Variants in FXYD1 observed in about 807,000 individuals in gnomAD.
FXYD1 encodes the protein phospholemman.
FXYD1 carries 9 observed loss-of-function variants against 17.2 expected under a neutral mutation model. The observed-to-expected ratio is 0.52, with a 90% confidence interval of 0.32 to 0.91. The LOEUF (loss-of-function observed/expected upper bound fraction) is 0.91, where lower values mean the gene tolerates loss of function less well. Among genes scored for constraint, FXYD1 ranks in the 40% least tolerant of loss-of-function variants. The pLI is 0.04. For missense variants in FXYD1, 113 were observed against 120.6 expected, an observed-to-expected ratio of 0.94 and a Z score of 0.29; for synonymous variants, 55 against 45.8, an observed-to-expected ratio of 1.20 and a Z score of -0.81.
rs377667040 is a variant in FXYD1, at chr19:35,142,749, C to T, written c.*7C>T. The stretch of plus-strand genomic sequence containing the variant: ...GTCCACCCGCAGGCGGTAGAAACAC[C>T]TGGAGCGATGGAATCCGGCCAGGTG... On this transcript the variant is annotated 3_prime_UTR_variant, in exon 7 of 8. Coordinates refer to ENST00000351325, the MANE Select transcript of FXYD1 (RefSeq NM_021902.4). The T allele has an allele frequency of 7.4e-6, 12 of 1,613,090 alleles. 2 individuals are homozygous for T. In the South Asian group the frequency reaches 8.8e-5, roughly 12 times the overall value.
At chr19:35,141,419 T>G in intron 4 of FXYD1, 117 bp from the exon 5 acceptor site, 1 of 759,480 alleles carries the variant, frequency 1.3e-6, no homozygotes, top group Non-Finnish European at 2.2e-6. Context: ...CGGTCTCGCC[T>G]CTAGCCCCGC....
At chr19:35,142,397 T>A in intron 5 of FXYD1, 75 bp from the exon 6 acceptor site, 1 of 1,131,562 alleles carries the variant, frequency 8.8e-7, no homozygotes, top group Non-Finnish European at 1.3e-6. Flanking sequence ...GAAAGGAGGC[T>A]TGTACTGGGG....
intron 5 of FXYD1, 112 bp from the exon 6 acceptor site, chr19:35,142,360 T>C: frequency 3.8e-6 from 3 of 789,954 alleles, no homozygotes; most frequent in South Asian, 1.7e-5. Context: ...TCTTCGTCCA[T>C]ATCTGGGCCT....
At chr19:35,140,251 G>A (rs2065239405) in intron 2 of FXYD1, 111 bp downstream of exon 2, 3 of 735,638 alleles carry the variant, frequency 4.1e-6, no homozygotes, top group South Asian at 1.5e-5. Flanking sequence ...GGGGTACCAA[G>A]AAGTTTGGGG....
chr19:35,142,887 C>T, intron 7 of FXYD1, 30 bp from the exon 8 acceptor site: 2 of 748,534 alleles, frequency 2.7e-6, no homozygotes, highest in Non-Finnish European at 4.7e-6. Context: ...GGACGTCCCC[C>T]CTCGCCTCTC....
chr19:35,139,391 C>T (rs1224742576), intron 1 of FXYD1: 1 of 153,002 alleles, frequency 6.5e-6, no homozygotes, highest in African/African-American at 2.4e-5. Context: ...TGAAAGATGT[C>T]ACCCAGAGGC....
At chr19:35,137,475 T>C (rs2065216122), upstream of FXYD1, among the ~76,000 whole-genome samples, 1 of 152,218 alleles carries the variant, frequency 6.6e-6, no homozygotes, top group African/African-American at 2.4e-5. Context: ...TTTGTGGGTA[T>C]GTGTGAGAGC....
intron 1 of FXYD1, 74 bp from the exon 2 acceptor site, chr19:35,140,002 C>A: frequency 7.7e-7 from 1 of 1,297,184 alleles, no homozygotes; most frequent in Non-Finnish European, 1.1e-6. Flanking sequence ...CTGTCTCTGA[C>A]TTAATCCCTT....
intron 3 of FXYD1, 136 bp downstream of exon 3, chr19:35,140,765 C>T: frequency 1.5e-6 from 1 of 682,784 alleles, no homozygotes; most frequent in Non-Finnish European, 2.6e-6. Context: ...TCCTTCCTCT[C>T]TGATTCCACC....
chr19:35,142,404 G>T, intron 5 of FXYD1, 68 bp from the exon 6 acceptor site: 1 of 1,201,296 alleles, frequency 8.3e-7, no homozygotes, highest in Non-Finnish European at 1.2e-6. Context: ...GGCTTGTACT[G>T]GGGGGTTCCT....
At position 35,140,066 on chromosome 19, in the gene FXYD1, T is replaced by TC. The variant is rs763188698; in HGVS notation, c.-4-3dup. Reference sequence around the variant, plus strand: ...GGCACACACTGCCTAATCCGTGGTGTCCCCCCCAGGACAATGGCGTCTCTT... The same window carrying TC: ...GGCACACACTGCCTAATCCGTGGTGTCCCCCCCCAGGACAATGGCGTCTCTT... On this transcript the variant is annotated splice_polypyrimidine_tract_variant and intron_variant, in intron 1 of 7. Transcript: ENST00000351325. 51 of 1,611,344 alleles carry TC rather than the reference T, an allele frequency of 3.2e-5. No homozygotes were observed. Among genetic ancestry groups the TC allele is most frequent in the Non-Finnish European group, 3.9e-5 (46 of 1,177,750 alleles).
At chr19:35,141,712 G>A in intron 5 of FXYD1, 140 bp downstream of exon 5, 1 of 674,052 alleles carries the variant, frequency 1.5e-6, no homozygotes, top group Non-Finnish European at 2.5e-6. Context: ...CATGGCCCAA[G>A]CCTGGCCCTG....
chr19:35,143,000 G>A lies in FXYD1; in HGVS notation c.*113G>A. ...CCGCCCCTTCCCCAGCCCTGCCCCC[G>A]CAGACTCCCCCTGCCGCCAAGACTT... On this transcript the variant is annotated 3_prime_UTR_variant, in exon 8 of 8. Coordinates refer to ENST00000351325, the MANE Select transcript of FXYD1 (RefSeq NM_021902.4). 5.4e-6 allele frequency: 2 copies of A among 370,804 alleles called. No homozygotes were observed. Among genetic ancestry groups the A allele is most frequent in the East Asian group, 5.1e-5 (1 of 19,426 alleles). 23.0% of individuals were successfully genotyped at this position (370,804 alleles called of 1,614,324 possible).
upstream of FXYD1, chr19:35,138,477 T>C (rs1313061332): frequency 6.6e-6 from 1 of 152,206 alleles, no homozygotes; most frequent in Non-Finnish European, 1.5e-5. Flanking sequence ...TCCTGGGCAG[T>C]CAGGCTGGGT....
Position 35,142,963 on chromosome 19 carries a change from C to A in FXYD1, c.*76C>A. On this transcript the variant is annotated 3_prime_UTR_variant, in exon 8 of 8. Coordinates refer to ENST00000351325, the MANE Select transcript of FXYD1 (RefSeq NM_021902.4). ...CTCCCACGCTCCACCTGCGCGCCCA[C>A]CGCCCCCTCCGCCGCCCCTTCCCCA... The A allele has an allele frequency of 1.7e-6, 1 of 586,752 alleles. No homozygotes were observed. Among genetic ancestry groups the A allele is most frequent in the Non-Finnish European group, 3.0e-6 (1 of 330,248 alleles). 36.3% of individuals were successfully genotyped at this position (586,752 alleles called of 1,614,324 possible).
At chr19:35,139,470 G>A (rs553055369) in intron 1 of FXYD1, 1 of 152,596 alleles carries the variant, frequency 6.6e-6, no homozygotes, top group African/African-American at 2.4e-5. Flanking sequence ...CTTTCCCACA[G>A]GGGCAGCCTG....
intron 5 of FXYD1, 35 bp downstream of exon 5, chr19:35,141,607 C>T (rs759335231): frequency 1.9e-6 from 3 of 1,586,434 alleles, no homozygotes; most frequent in Non-Finnish European, 2.6e-6. Context: ...TTCGCCCGCT[C>T]CTGCTCTGGA....
At chr19:35,142,581 C>T in intron 6 of FXYD1, 60 bp downstream of exon 6, 2 of 1,561,752 alleles carry the variant, frequency 1.3e-6, no homozygotes, top group South Asian at 2.2e-5. Context: ...GACCGCTTTT[C>T]CCGGCCCTCC....
At chr19:35,140,187 G>T in intron 2 of FXYD1, 47 bp downstream of exon 2, 6 of 1,134,132 alleles carry the variant, frequency 5.3e-6, no homozygotes, top group Non-Finnish European at 6.7e-6. Context: ...CCCCAGGGGT[G>T]GCGGTGGGGA....
Sources: gnomAD v4.1 joint callset for allele counts (sites outside exome capture counted in the v4.1 genomes callset) on GRCh38, gnomAD v4.1.1 for gene constraint, MANE v1.5 for transcripts, NCBI Gene and HGNC (gene_info 2026-07-23, HGNC 2026-07-21) for gene names.